Variants in SLC13A1 observed in about 807,000 individuals in gnomAD.
The protein encoded by SLC13A1 is Na(+)/sulfate cotransporter.
In SLC13A1, 65 loss-of-function variants were observed where a neutral mutation model predicts 70.0. The observed-to-expected ratio is 0.93, with a 90% CI of 0.76 to 1.14. The LOEUF is 1.14. Ranked by LOEUF, SLC13A1 falls within the 50% of genes most tolerant of loss-of-function variation. The probability of loss-of-function intolerance (pLI) is 0.00; values close to 1 mark genes in which losing one functional copy is unlikely to be tolerated. For missense variants in SLC13A1, 726 were observed against 717.8 expected (o/e 1.01, Z -0.13); for synonymous variants, 275 against 250.5 (o/e 1.10, Z -0.92).
At chr7:123,128,761 A>G (rs1218784166) in intron 10 of SLC13A1, 84 bp downstream of exon 10, 1 of 826,220 alleles carries the variant, frequency 1.2e-6, no homozygotes, top group Non-Finnish European at 2.0e-6. Flanking sequence ...ATCTCATCCA[A>G]TCTTTCAGAA....
chr7:123,183,731 C>T (rs935391065), intron 1 of SLC13A1, among the ~76,000 whole-genome samples: 1 of 152,134 alleles, frequency 6.6e-6, no homozygotes, highest in Non-Finnish European at 1.5e-5. Context: ...TGATCCTTAT[C>T]TAGGTTAAAG....
chr7:123,174,245 C>G (rs1020802338), intron 2 of SLC13A1, among the ~76,000 whole-genome samples: 2 of 152,066 alleles, frequency 1.3e-5, no homozygotes, highest in Non-Finnish European at 2.9e-5. Context: ...TATTTCCACA[C>G]AGATAAGTCT....
At chr7:123,172,026 T>C (rs1795293094) in intron 2 of SLC13A1, 122 bp from the exon 3 acceptor site, 1 of 846,162 alleles carries the variant, frequency 1.2e-6, no homozygotes, top group Middle Eastern at 3.6e-4. Context: ...TCCATTTTGT[T>C]GAGAAAAATG....
chr7:123,150,929 T>C (rs896369837), intron 6 of SLC13A1, among the ~76,000 whole-genome samples: 1 of 152,130 alleles, frequency 6.6e-6, no homozygotes, highest in African/African-American at 2.4e-5. Context: ...TAAAAATATC[T>C]TATTTTTATT....
chr7:123,181,435 C>T (rs1332425526), intron 1 of SLC13A1, among the ~76,000 whole-genome samples: 1 of 152,122 alleles, frequency 6.6e-6, no homozygotes, highest in East Asian at 1.9e-4. Flanking sequence ...AAAATGCACT[C>T]CCCCATACTT....
At chr7:123,153,271 T>G (rs1406994939) in intron 6 of SLC13A1, among the ~76,000 whole-genome samples, 2 of 152,130 alleles carry the variant, frequency 1.3e-5, no homozygotes, top group Admixed American at 6.6e-5. Context: ...TTATTGCTAC[T>G]GCACATGAGC....
chr7:123,171,787 C>T lies in SLC13A1; in HGVS notation c.346G>A (p.Val116Ile). The change falls in exon 3 of 15, where the codon GTT (valine) becomes ATT (isoleucine). Residue 116 changes from valine to isoleucine, a missense_variant. By Grantham distance (29) the Val-to-Ile change is conservative (BLOSUM62 3). Coordinates refer to ENST00000194130, the MANE Select transcript of SLC13A1 (RefSeq NM_022444.4). ...KRIALKMVMM[V>I]GVNPAWLTLG... The stretch of plus-strand genomic sequence containing the variant: ...ACTTACCATGCAGGATTTACACCAA[C>T]CATCATCACCATTTTCAGAGCAATT... The T allele has an allele frequency of 6.2e-7, 1 of 1,613,884 alleles. No individual in the cohort carries two copies. The highest frequency in any genetic ancestry group is 8.5e-7 in the Non-Finnish European group (1 of 1,179,916).
At chr7:123,156,535 C>T (rs1000280529) in intron 6 of SLC13A1, among the ~76,000 whole-genome samples, 1 of 152,020 alleles carries the variant, frequency 6.6e-6, no homozygotes, top group Non-Finnish European at 1.5e-5. Flanking sequence ...ACAGTGGGAA[C>T]CTGTCCTTTT....
Position 123,153,541 on chromosome 7 carries a change from G to A in SLC13A1, c.661-6231C>T, listed in dbSNP as rs1378811801. 3.3e-5 allele frequency among the ~76,000 whole-genome samples: 5 copies of A among 151,928 alleles called. No homozygotes were observed. In the East Asian group the frequency reaches 5.8e-4, roughly 18 times the overall value. ...CAGAAGAGATGATACTGAAGTAAAG[G>A]GTAAAGCATGAGGACTAGAGGGACA... is the stretch of plus-strand genomic sequence containing the variant. On this transcript the variant is annotated intron_variant, in intron 6 of 14. Coordinates refer to ENST00000194130, the MANE Select transcript of SLC13A1 (RefSeq NM_022444.4).
At chr7:123,165,846 T>C (rs1442625875) in intron 6 of SLC13A1, among the ~76,000 whole-genome samples, 1 of 152,206 alleles carries the variant, frequency 6.6e-6, no homozygotes, top group African/African-American at 2.4e-5. Context: ...TTCCTCTTTT[T>C]ACTCTTTTGC....
intron 6 of SLC13A1, among the ~76,000 whole-genome samples, chr7:123,165,925 A>G (rs554865786): frequency 6.6e-6 from 1 of 152,252 alleles, no homozygotes; most frequent in African/African-American, 2.4e-5. Context: ...GGCAATGGGA[A>G]TGTGCCAGAG....
chr7:123,123,252 C>T lies in SLC13A1; in HGVS notation c.1241-17G>A. On this transcript the variant is annotated splice_polypyrimidine_tract_variant and intron_variant, in intron 11 of 14. Coordinates refer to ENST00000194130, the MANE Select transcript of SLC13A1 (RefSeq NM_022444.4). ...CAAAAGCAACTGCAAAACAAAAATCCTACAGTTACACATTGCTTAAAATAT... is the reference window on the plus strand; with the variant it reads ...CAAAAGCAACTGCAAAACAAAAATCTTACAGTTACACATTGCTTAAAATAT... The T allele has an allele frequency of 1.4e-6, 2 of 1,476,520 alleles. No individual in the cohort carries two copies. The highest frequency in any genetic ancestry group is 1.9e-6 in the Non-Finnish European group (2 of 1,055,172). 91.5% of individuals were successfully genotyped at this position (1,476,520 alleles called of 1,614,324 possible).
At chr7:123,175,621 T>C (rs1020456261) in intron 2 of SLC13A1, among the ~76,000 whole-genome samples, 1 of 152,126 alleles carries the variant, frequency 6.6e-6, no homozygotes, top group Non-Finnish European at 1.5e-5. Context: ...AGCAAGCCCT[T>C]ACCATACACT....
At chr7:123,116,574 CACTT>C (rs1793188222) in intron 14 of SLC13A1, among the ~76,000 whole-genome samples, 1 of 152,182 alleles carries the variant, frequency 6.6e-6, no homozygotes, top group African/African-American at 2.4e-5. Flanking sequence ...GCAAGCCAGC[CACTT>C]ATTTATCCCA....
At chr7:123,165,945 C>T (rs1169742687) in intron 6 of SLC13A1, among the ~76,000 whole-genome samples, 1 of 152,032 alleles carries the variant, frequency 6.6e-6, no homozygotes, top group African/African-American at 2.4e-5. Flanking sequence ...GTTTAAAGTG[C>T]TGACAAGGTA....
chr7:123,129,451 G>C lies in SLC13A1; in HGVS notation c.963C>G (p.Thr321=), dbSNP rs760001761. The part of the protein sequence containing the change: ...NFKEMFKCGK[T]KTVQQKACAE... Reference sequence around the variant, plus strand: ...CACAAGCTTTTTGTTGGACTGTTTTGGTTTTGCCACATTTGAACATCTCCT... The same window carrying C: ...CACAAGCTTTTTGTTGGACTGTTTTCGTTTTGCCACATTTGAACATCTCCT... Residue 321 remains threonine, a synonymous_variant, in exon 9 of 15, where the codon ACC becomes ACG. Coordinates refer to ENST00000194130, the MANE Select transcript of SLC13A1 (RefSeq NM_022444.4). 11 of 1,608,980 alleles carry C rather than the reference G, an allele frequency of 6.8e-6. No individual in the cohort carries two copies. The Middle Eastern group carries it at 4.9e-4, about 72-fold the overall frequency.
In SLC13A1 at chr7:123,147,182, C is replaced by A. The variant is rs769777854; in HGVS notation, c.789G>T (p.Leu263Phe). Residue 263 changes from leucine (L) to phenylalanine (F), a missense_variant, in exon 7 of 15, where the codon TTG (leucine) becomes TTT (phenylalanine). Coordinates refer to ENST00000194130, the MANE Select transcript of SLC13A1 (RefSeq NM_022444.4). ...ACGTATTGAAATACTCTGCAAAGAT[C>A]AAGTTGGTGGAGGTACCAGTGATTG... ...LTTITGTSTN[L>F]IFAEYFNTRY... is the part of the protein sequence containing the mutation. 5.0e-6 allele frequency: 8 copies of A among 1,613,604 alleles called. No individual in the cohort carries two copies. The South Asian group carries it at 8.8e-5, about 18-fold the overall frequency.
intron 7 of SLC13A1, among the ~76,000 whole-genome samples, chr7:123,142,318 G>A (rs1794182453): frequency 6.6e-6 from 1 of 152,036 alleles, no homozygotes; most frequent in Non-Finnish European, 1.5e-5. Flanking sequence ...GCCTGGCCTG[G>A]GACTCACCTT....
At chr7:123,146,418 G>A (rs182831557) in intron 7 of SLC13A1, among the ~76,000 whole-genome samples, 88 of 152,258 alleles carry the variant, frequency 5.8e-4, no homozygotes, top group Non-Finnish European at 7.8e-4. Context: ...CCAGCTACTC[G>A]GGAGGCTGAG....
Sources: gnomAD v4.1 joint callset for allele counts (sites outside exome capture counted in the v4.1 genomes callset) on GRCh38, gnomAD v4.1.1 for gene constraint, MANE v1.5 for transcripts, NCBI Gene and HGNC (gene_info 2026-07-23, HGNC 2026-07-21) for gene names.